Variants in PDZRN4 observed in about 807,000 individuals in gnomAD.
PDZRN4 encodes PDZ domain containing ring finger 4.
PDZRN4 carries 70 observed loss-of-function variants against 99.0 expected under a neutral mutation model. The ratio of observed to expected loss-of-function variants is 0.71; its 90% CI spans 0.58 to 0.86. The LOEUF (loss-of-function observed/expected upper bound fraction) is 0.86. Ranked by LOEUF, PDZRN4 falls within the 40% of genes least tolerant of loss-of-function variation. The pLI is 0.00. For synonymous variants in PDZRN4, 551 were observed against 501.6 expected (o/e 1.10, Z -1.32); for missense variants, 1,474 against 1,331.2 (o/e 1.11, Z -1.67).
intron 3 of PDZRN4, among the ~76,000 whole-genome samples, chr12:41,252,565 C>T (rs1354809139): frequency 6.6e-6 from 1 of 152,058 alleles, no homozygotes; most frequent in Non-Finnish European, 1.5e-5. Flanking sequence ...CATGTTGAAA[C>T]CCCATCTCTA....
intron 3 of PDZRN4, among the ~76,000 whole-genome samples, chr12:41,438,805 TC>T (rs1407139632): frequency 2.0e-5 from 3 of 152,212 alleles, no homozygotes; most frequent in Non-Finnish European, 1.5e-5. Context: ...TGGGGGAGGT[TC>T]CCCTGGGAGT....
At chr12:41,271,375 G>T (rs1264290215) in intron 3 of PDZRN4, among the ~76,000 whole-genome samples, 2 of 151,978 alleles carry the variant, frequency 1.3e-5, no homozygotes, top group Non-Finnish European at 2.9e-5. Flanking sequence ...ACAACTGCAG[G>T]TACCATTTTT....
intron 3 of PDZRN4, among the ~76,000 whole-genome samples, chr12:41,402,162 A>G (rs1952296098): frequency 8.5e-6 from 1 of 117,666 alleles, no homozygotes; most frequent in African/African-American, 3.3e-5. Flanking sequence ...GTATATATAT[A>G]TATATACACA....
chr12:41,418,467 G>A (rs1436560299), intron 3 of PDZRN4, among the ~76,000 whole-genome samples: 1 of 152,044 alleles, frequency 6.6e-6, no homozygotes, highest in Admixed American at 6.6e-5. Context: ...CTTAAAAATG[G>A]CCCTAAAGTA....
At chr12:41,290,018 A>T (rs1951447254) in intron 3 of PDZRN4, among the ~76,000 whole-genome samples, 1 of 152,208 alleles carries the variant, frequency 6.6e-6, no homozygotes, top group Admixed American at 6.5e-5. Context: ...GCTTAAGGCT[A>T]TCTACTGATT....
chr12:41,196,795 C>T (rs1022743263), intron 3 of PDZRN4, among the ~76,000 whole-genome samples: 1 of 151,908 alleles, frequency 6.6e-6, no homozygotes, highest in African/African-American at 2.4e-5. Flanking sequence ...TGTGCAGATG[C>T]ATATTTTAAA....
intron 7 of PDZRN4, among the ~76,000 whole-genome samples, chr12:41,559,184 T>TAC (rs10557714): frequency 0.032 from 4,752 of 150,100 alleles, 116 homozygotes; most frequent in African/African-American, 0.058. Context: ...CACACATACA[T>TAC]ACACACACAC....
At chr12:41,546,670 A>T (rs1368891659) in intron 5 of PDZRN4, among the ~76,000 whole-genome samples, 1 of 152,160 alleles carries the variant, frequency 6.6e-6, no homozygotes, top group East Asian at 1.9e-4. Flanking sequence ...AAGATACTAC[A>T]TCTAACTGTG....
In PDZRN4 at chr12:41,552,716, A is replaced by G; in HGVS notation, c.1264A>G (p.Thr422Ala). ...EKLGLTVCYR[T>A]DDEEDTGIYV... ...GCTGGGCCTGACAGTCTGTTACCGAACAGATGATGAAGAAGACACCGGCAT... is the reference window on the plus strand; with the variant it reads ...GCTGGGCCTGACAGTCTGTTACCGAGCAGATGATGAAGAAGACACCGGCAT... Residue 422 changes from threonine to alanine, a missense_variant, in exon 6 of 10, where the codon ACA becomes GCA. Thr to Ala is a moderately conservative substitution (Grantham distance 58). Coordinates refer to ENST00000402685, the MANE Select transcript of PDZRN4 (RefSeq NM_001164595.2). 1 of 1,613,752 alleles carries G rather than the reference A, an allele frequency of 6.2e-7. No homozygotes were observed. Among genetic ancestry groups the G allele is most frequent in the Non-Finnish European group, 8.5e-7 (1 of 1,179,734 alleles).
chr12:41,397,080 T>C (rs1249940248), intron 3 of PDZRN4, among the ~76,000 whole-genome samples: 1 of 152,174 alleles, frequency 6.6e-6, no homozygotes, highest in Non-Finnish European at 1.5e-5. Context: ...TTTTAAGTGG[T>C]GTGTCTAGTT....
At chr12:41,441,808 T>C (rs1952683119) in intron 3 of PDZRN4, among the ~76,000 whole-genome samples, 2 of 152,144 alleles carry the variant, frequency 1.3e-5, no homozygotes, top group Non-Finnish European at 2.9e-5. Flanking sequence ...ACCCTCCCTT[T>C]TGCTTTCAAC....
At chr12:41,498,955 G>A (rs1938061065) in intron 3 of PDZRN4, among the ~76,000 whole-genome samples, 1 of 152,018 alleles carries the variant, frequency 6.6e-6, no homozygotes, top group Non-Finnish European at 1.5e-5. Flanking sequence ...CATGCTTAGG[G>A]TCCCAGAAGA....
chr12:41,553,089 A>G (rs978138895), intron 6 of PDZRN4, among the ~76,000 whole-genome samples: 15 of 152,348 alleles, frequency 9.8e-5, no homozygotes, highest in African/African-American at 3.4e-4. Context: ...CTTCCATTCT[A>G]CTGTGTCTTT....
chr12:41,532,191 T>A (rs375670736), intron 5 of PDZRN4, among the ~76,000 whole-genome samples: 7 of 152,310 alleles, frequency 4.6e-5, no homozygotes, highest in East Asian at 1.9e-4. Flanking sequence ...ATTTTTCACC[T>A]GGTATGTAGT....
At chr12:41,539,318 T>A (rs1429612722) in intron 5 of PDZRN4, among the ~76,000 whole-genome samples, 1 of 152,076 alleles carries the variant, frequency 6.6e-6, no homozygotes, top group Non-Finnish European at 1.5e-5. Context: ...AAGTTTAACA[T>A]CAATATTTTA....
intron 5 of PDZRN4, among the ~76,000 whole-genome samples, chr12:41,543,973 A>C (rs1378477527): frequency 6.6e-6 from 1 of 152,202 alleles, no homozygotes; most frequent in Non-Finnish European, 1.5e-5. Flanking sequence ...CTGCAAAATA[A>C]ATTTTAGGGT....
intron 3 of PDZRN4, among the ~76,000 whole-genome samples, chr12:41,469,838 G>T (rs1402739856): frequency 6.6e-6 from 1 of 152,274 alleles, no homozygotes; most frequent in South Asian, 2.1e-4. Flanking sequence ...GCTGAGGCGG[G>T]AGAATGGTGT....
intron 3 of PDZRN4, among the ~76,000 whole-genome samples, chr12:41,282,403 A>T (rs1252270589): frequency 6.6e-6 from 1 of 152,218 alleles, no homozygotes; most frequent in East Asian, 1.9e-4. Context: ...AGAGACTTAG[A>T]CTACCACACA....
At chr12:41,566,924 G>A (rs879811806) in intron 8 of PDZRN4, among the ~76,000 whole-genome samples, 3 of 152,138 alleles carry the variant, frequency 2.0e-5, no homozygotes, top group Non-Finnish European at 4.4e-5. Context: ...CAAATTATCT[G>A]TAGTAACTGT....
Sources: allele counts gnomAD v4.1 joint callset (sites outside exome capture counted in the v4.1 genomes callset), GRCh38; gene constraint gnomAD v4.1.1; transcripts MANE v1.5; gene names NCBI Gene and HGNC (gene_info 2026-07-23, HGNC 2026-07-21).